Variants in USP34 observed in about 807,000 individuals in gnomAD.
USP34 encodes ubiquitin carboxyl-terminal hydrolase 34.
Under a neutral mutation model 460.3 loss-of-function variants are expected in USP34, and 70 were observed. The ratio of observed to expected loss-of-function variants is 0.15; its 90% confidence interval spans 0.13 to 0.19. The LOEUF is 0.19. USP34 is among the 10% of genes least tolerant of loss of function. The probability of loss-of-function intolerance (pLI) is 1.00; values close to 1 mark genes in which losing one functional copy is unlikely to be tolerated. For synonymous variants in USP34, 1,647 were observed against 1,405.3 expected, an observed-to-expected ratio of 1.17 and a Z score of -3.85; for missense variants, 3,985 against 4,236.2, an observed-to-expected ratio of 0.94 and a Z score of 1.65.
At chr2:61,348,646 A>G in intron 14 of USP34, 110 bp downstream of exon 14, 2 of 1,455,556 alleles carry the variant, frequency 1.4e-6, no homozygotes, top group Non-Finnish European at 1.8e-6. Flanking sequence ...AATATTACGT[A>G]AAGGAGAGGA....
At chr2:61,253,655 C>T (rs907087839) in intron 48 of USP34, among the ~76,000 whole-genome samples, 3 of 151,940 alleles carry the variant, frequency 2.0e-5, no homozygotes, top group African/African-American at 4.8e-5. Context: ...TTCAAACATG[C>T]TCAGATATCT....
chr2:61,196,944 G>C (rs989718237), intron 75 of USP34, among the ~76,000 whole-genome samples: 4 of 152,162 alleles, frequency 2.6e-5, no homozygotes, highest in African/African-American at 9.7e-5. Flanking sequence ...TCACTTTGAA[G>C]TGGTATTCTG....
chr2:61,315,086 AAAT>A (rs1344188896), intron 23 of USP34, 112 bp from the exon 24 acceptor site: 2 of 670,300 alleles, frequency 3.0e-6, no homozygotes, highest in Non-Finnish European at 4.8e-6. Flanking sequence ...TTCAGCTATT[AAAT>A]AATAAAAATA....
chr2:61,407,571 A>C (rs2593635), intron 2 of USP34, among the ~76,000 whole-genome samples: 50,058 of 152,134 alleles, frequency 0.33, 8,684 homozygotes, highest in Admixed American at 0.39. Flanking sequence ...TTATTTCTCC[A>C]AGTGTGAATT....
At chr2:61,191,741 G>A (rs1456155925) in intron 76 of USP34, among the ~76,000 whole-genome samples, 1 of 152,208 alleles carries the variant, frequency 6.6e-6, no homozygotes, top group Non-Finnish European at 1.5e-5. Flanking sequence ...GGGAGCAATA[G>A]GTAGTGGGAG....
chr2:61,400,903 G>GC (rs1311997757), intron 3 of USP34, among the ~76,000 whole-genome samples: 1 of 152,048 alleles, frequency 6.6e-6, no homozygotes, highest in Non-Finnish European at 1.5e-5. Flanking sequence ...TGTAATCCCA[G>GC]CATTTTGGGA....
At chr2:61,351,341 A>G (rs867600823) in intron 10 of USP34, among the ~76,000 whole-genome samples, 6 of 152,190 alleles carry the variant, frequency 3.9e-5, no homozygotes, top group Non-Finnish European at 8.8e-5. Context: ...AAACCCTTAT[A>G]AAGATCTATA....
In USP34 at chr2:61,380,491, C is replaced by T. The variant is rs992458957; in HGVS notation, c.822-130G>A. On this transcript the variant is annotated intron_variant, in intron 6 of 79. Transcript: ENST00000398571. ...CCAAAACCCACAAACCTCTGGTTTT[C>T]CTCTCAGGCCCTGCCTAATCTCTTT... 6 of 861,052 alleles carry T rather than the reference C, an allele frequency of 7.0e-6. No homozygotes were observed. The Admixed American group carries it at 8.6e-5, about 12-fold the overall frequency. 53.3% of individuals were successfully genotyped at this position (861,052 alleles called of 1,614,324 possible).
intron 1 of USP34, among the ~76,000 whole-genome samples, chr2:61,451,303 T>C (rs890807789): frequency 2.1e-5 from 3 of 144,446 alleles, no homozygotes; most frequent in African/African-American, 7.8e-5. Flanking sequence ...CAAAGATAAA[T>C]TATAAAGTGA....
rs531381848 is a variant in USP34 at position 61,305,995 on chromosome 2, G to A, written c.3818-4541C>T. On this transcript the variant is annotated intron_variant, in intron 27 of 79. Transcript: ENST00000398571. Reference sequence around the variant, plus strand: ...TCTGGATATTAGCCCTTTGTCAGATGAGCAGATTGCAAAAATTTCCTCCCA... The same window carrying A: ...TCTGGATATTAGCCCTTTGTCAGATAAGCAGATTGCAAAAATTTCCTCCCA... Among the ~76,000 whole-genome samples the A allele has an allele frequency of 2.8e-3, 422 of 152,246 alleles. 1 individual carries two copies. The highest frequency in any genetic ancestry group is 9.5e-3 in the African/African-American group (393 of 41,544).
At chr2:61,345,055 T>G (rs535958765) in intron 15 of USP34, among the ~76,000 whole-genome samples, 1 of 152,166 alleles carries the variant, frequency 6.6e-6, no homozygotes, top group African/African-American at 2.4e-5. Context: ...GGCGGATCAT[T>G]TGAGGTCAGC....
rs949688616 is a variant in USP34 at position 61,222,828 on chromosome 2, T to G, written c.7750-165A>C. On this transcript the variant is annotated intron_variant, in intron 64 of 79. Transcript: ENST00000398571. ...CCTCCTGCCTCAGCCTCCGAGTGGC[T>G]GGGACTACAGGCATGTGCCACTACA... is the stretch of plus-strand genomic sequence containing the variant. 5 of 716,872 alleles carry G rather than the reference T, an allele frequency of 7.0e-6. No homozygotes were observed. The East Asian group carries it at 8.1e-5, about 12-fold the overall frequency. 44.4% of individuals were successfully genotyped at this position (716,872 alleles called of 1,614,324 possible). A position where few individuals can be genotyped will look rare whatever the true frequency, so the allele number is the denominator to read the frequency against.
At chr2:61,280,139 G>A in intron 39 of USP34, 105 bp downstream of exon 39, 1 of 604,764 alleles carries the variant, frequency 1.7e-6, no homozygotes, top group Non-Finnish European at 2.6e-6. Flanking sequence ...CCAAGTTATA[G>A]ATTAATGAAG....
intron 1 of USP34, among the ~76,000 whole-genome samples, chr2:61,441,802 C>CAAAAAAAAAAAAAAAAAAAAAAAA (rs70963429): frequency 4.1e-5 from 4 of 97,332 alleles, no homozygotes; most frequent in African/African-American, 7.8e-5. Context: ...GACTGCATTA[C>CAAAAAAAAAAAAAAAAAAAAAAAA]AAAAAAAAAA....
intron 1 of USP34, among the ~76,000 whole-genome samples, chr2:61,445,482 C>T (rs993315880): frequency 6.7e-6 from 1 of 149,592 alleles, no homozygotes; most frequent in African/African-American, 2.5e-5. Flanking sequence ...TTGCAGTGAG[C>T]CGAGATTGCG....
Position 61,267,274 on chromosome 2 carries a change from C to T in USP34, c.5434-1107G>A, listed in dbSNP as rs903422575. 2.6e-5 allele frequency among the ~76,000 whole-genome samples: 4 copies of T among 152,206 alleles called. No individual in the cohort carries two copies. The East Asian group carries it at 7.7e-4, about 29-fold the overall frequency. On this transcript the variant is annotated intron_variant, in intron 41 of 79. Coordinates refer to ENST00000398571, the MANE Select transcript of USP34 (RefSeq NM_014709.4). ...CCTGTGAGTTAGTGAATCAACAAAC[C>T]TGGGGGTGGTCAGGGAAACTCTTGA...
At chr2:61,391,422 T>A (rs1693340896) in intron 5 of USP34, among the ~76,000 whole-genome samples, 1 of 152,194 alleles carries the variant, frequency 6.6e-6, no homozygotes, top group African/African-American at 2.4e-5. Flanking sequence ...CTCTTCTGAA[T>A]GTGTGATTTA....
Position 61,187,926 on chromosome 2 carries a change from C to G in USP34, c.*176G>C. The G allele has an allele frequency of 7.0e-7, 1 of 1,428,138 alleles. No individual in the cohort carries two copies. The highest frequency in any genetic ancestry group is 9.2e-7 in the Non-Finnish European group (1 of 1,088,800). The allele number at this position is 1,428,138 out of a possible 1,614,324, so 88.5% of individuals were successfully genotyped here. A position where few individuals can be genotyped will look rare whatever the true frequency, so the allele number is the denominator to read the frequency against. Reference sequence around the variant, plus strand: ...CCCTTTAGGAAGTATACTGAAGATGCAAGTTTTTTTCATCTGGAGTTCTGC... The same window carrying G: ...CCCTTTAGGAAGTATACTGAAGATGGAAGTTTTTTTCATCTGGAGTTCTGC... On this transcript the variant is annotated 3_prime_UTR_variant, in exon 80 of 80. Transcript: ENST00000398571.
intron 69 of USP34, 145 bp from the exon 70 acceptor site, chr2:61,209,122 G>C (rs1172087559): frequency 2.4e-6 from 1 of 425,308 alleles, no homozygotes; most frequent in African/African-American, 2.1e-5. Flanking sequence ...CTGTTTCCTG[G>C]AAATGCAGCA....
Sources: gnomAD v4.1 joint callset for allele counts (sites outside exome capture counted in the v4.1 genomes callset) on GRCh38, gnomAD v4.1.1 for gene constraint, MANE v1.5 for transcripts, NCBI Gene and HGNC (gene_info 2026-07-23, HGNC 2026-07-21) for gene names.